ST6GALNAC3: variants seen among roughly 807,000 people sequenced by gnomAD.
ST6GALNAC3 encodes the protein ST6 N-acetylgalactosaminide alpha-2,6-sialyltransferase 3, also known as alpha-N-acetylgalactosaminide alpha-2,6-sialyltransferase 3.
In ST6GALNAC3, 25 loss-of-function variants were observed where a neutral mutation model predicts 32.7. The ratio of observed to expected loss-of-function variants is 0.76; its 90% CI spans 0.56 to 1.07. The LOEUF (loss-of-function observed/expected upper bound fraction) is 1.07, where lower values mean the gene tolerates loss of function less well. ST6GALNAC3 is among the 50% of genes least tolerant of loss of function. The pLI is 0.00. For synonymous variants in ST6GALNAC3, 129 were observed against 133.1 expected, an observed-to-expected ratio of 0.97 and a Z score of 0.21; for missense variants, 355 against 382.4, an observed-to-expected ratio of 0.93 and a Z score of 0.60.
chr1:76,510,300 G>A (rs144581731), intron 3 of ST6GALNAC3, among the ~76,000 whole-genome samples: 29 of 152,160 alleles, frequency 1.9e-4, no homozygotes, highest in African/African-American at 3.6e-4. Context: ...AAAATACTAC[G>A]TGTAAGATAT....
intron 1 of ST6GALNAC3, among the ~76,000 whole-genome samples, chr1:76,270,507 CAAAAAA>C (rs34410935): frequency 4.7e-5 from 3 of 64,116 alleles, no homozygotes; most frequent in East Asian, 5.6e-4. Context: ...AACTCTGTCT[CAAAAAA>C]AAAAAAAAAA....
chr1:76,524,210 C>G lies in ST6GALNAC3; in HGVS notation c.624-103242C>G, dbSNP rs566599210. Among the ~76,000 whole-genome samples, 5 of 152,252 alleles carry G rather than the reference C, an allele frequency of 3.3e-5. No homozygotes were observed. In the South Asian group the frequency reaches 1.0e-3, roughly 32 times the overall value. On this transcript the variant is annotated intron_variant, in intron 3 of 4. Transcript: ENST00000328299. Reference sequence around the variant, plus strand: ...ATTTCTATTAGTTTACTGCTCTGCTCTTAGGATAACCAGTTCCCTAGTCTT... The same window carrying G: ...ATTTCTATTAGTTTACTGCTCTGCTGTTAGGATAACCAGTTCCCTAGTCTT...
intron 3 of ST6GALNAC3, among the ~76,000 whole-genome samples, chr1:76,455,918 G>A (rs1219072245): frequency 6.6e-6 from 1 of 152,136 alleles, no homozygotes; most frequent in African/African-American, 2.4e-5. Context: ...GGATGTGGTG[G>A]TTCACACCTA....
intron 3 of ST6GALNAC3, among the ~76,000 whole-genome samples, chr1:76,570,264 T>A (rs1034843232): frequency 1.3e-5 from 2 of 152,122 alleles, no homozygotes; most frequent in African/African-American, 4.8e-5. Context: ...AATGTATGTA[T>A]GGTAATGGAC....
At chr1:76,397,013 G>A (rs73006124) in intron 2 of ST6GALNAC3, among the ~76,000 whole-genome samples, 2,551 of 152,102 alleles carry the variant, frequency 0.017, 77 homozygotes, top group African/African-American at 0.058. Context: ...AAAATACTGT[G>A]GGCTCAGTAA....
intron 3 of ST6GALNAC3, among the ~76,000 whole-genome samples, chr1:76,517,024 G>A (rs1306248915): frequency 1.3e-5 from 2 of 151,440 alleles, no homozygotes; most frequent in Admixed American, 1.3e-4. Context: ...TTGATATCTG[G>A]TGAGACAGAT....
intron 1 of ST6GALNAC3, among the ~76,000 whole-genome samples, chr1:76,291,977 G>A (rs969427056): frequency 2.0e-5 from 3 of 152,138 alleles, no homozygotes; most frequent in Admixed American, 6.5e-5. Context: ...ATCTCTCTTT[G>A]GCTTGCAGCC....
chr1:76,107,795 A>C (rs890650563), intron 1 of ST6GALNAC3, among the ~76,000 whole-genome samples: 2 of 151,618 alleles, frequency 1.3e-5, no homozygotes, highest in African/African-American at 4.9e-5. Context: ...GCAGATCTAC[A>C]TTCTTTTTTC....
At chr1:76,518,894 G>A (rs1456613940) in intron 3 of ST6GALNAC3, among the ~76,000 whole-genome samples, 2 of 151,996 alleles carry the variant, frequency 1.3e-5, no homozygotes, top group African/African-American at 4.8e-5. Context: ...GTGAAACCCT[G>A]TCTCTACTAA....
At chr1:76,345,293 G>C (rs1648408925) in intron 2 of ST6GALNAC3, among the ~76,000 whole-genome samples, 1 of 152,020 alleles carries the variant, frequency 6.6e-6, no homozygotes, top group African/African-American at 2.4e-5. Flanking sequence ...TTTACTCATA[G>C]AAAGCAGAAC....
rs1468029610 is a variant in ST6GALNAC3 at position 76,629,215 on chromosome 1, ATC to A, written c.*412_*413del. On this transcript the variant is annotated 3_prime_UTR_variant, in exon 5 of 5. Coordinates refer to ENST00000328299, the MANE Select transcript of ST6GALNAC3 (RefSeq NM_152996.4). ...GGTGATTGACTCAATGGCTTGTTGA[ATC>A]TCAGCAGTTCCGCCATCTTGAAGAA... 1.8e-5 allele frequency: 18 copies of A among 1,002,166 alleles called. No individual in the cohort carries two copies. Among genetic ancestry groups the A allele is most frequent in the Non-Finnish European group, 2.1e-5 (18 of 841,966 alleles). 62.1% of individuals were successfully genotyped at this position (1,002,166 alleles called of 1,614,324 possible).
rs1000569994 is a variant in ST6GALNAC3, at chr1:76,313,728, A to G, written c.19-77A>G. On this transcript the variant is annotated intron_variant, in intron 1 of 4. Coordinates refer to ENST00000328299, the MANE Select transcript of ST6GALNAC3 (RefSeq NM_152996.4). ...ACCCCTATGAAAGAAAAAGAGAAGAATAAAGGAACCTCCTTCTGTGACTGC... is the reference window on the plus strand; with the variant it reads ...ACCCCTATGAAAGAAAAAGAGAAGAGTAAAGGAACCTCCTTCTGTGACTGC... 3 of 1,464,142 alleles carry G rather than the reference A, an allele frequency of 2.0e-6. No individual in the cohort carries two copies. The Admixed American group carries it at 5.1e-5, about 25-fold the overall frequency. 90.7% of individuals were successfully genotyped at this position (1,464,142 alleles called of 1,614,324 possible).
At chr1:76,397,309 C>A (rs1162621126) in intron 2 of ST6GALNAC3, among the ~76,000 whole-genome samples, 1 of 151,370 alleles carries the variant, frequency 6.6e-6, no homozygotes, top group Non-Finnish European at 1.5e-5. Flanking sequence ...TCCTGAAAAA[C>A]CACTTGTAGT....
At chr1:76,407,917 A>G (rs984979782) in intron 2 of ST6GALNAC3, among the ~76,000 whole-genome samples, 1 of 152,112 alleles carries the variant, frequency 6.6e-6, no homozygotes, top group African/African-American at 2.4e-5. Flanking sequence ...GAGTTGAAGA[A>G]ATAGCAGTAC....
rs1557803967 is a variant in ST6GALNAC3, at chr1:76,341,677, CTTTCCTTCT to C, written c.213+27681_213+27689del. ...TCTTTCTTTCTTTCTTTCTTTCTTT[CTTTCCTTCT>C]TTCTTTCTTTCTTTCTTTCCTTCTT... On this transcript the variant is annotated intron_variant, in intron 2 of 4. Coordinates refer to ENST00000328299, the MANE Select transcript of ST6GALNAC3 (RefSeq NM_152996.4). 2.6e-4 allele frequency among the ~76,000 whole-genome samples: 36 copies of C among 139,974 alleles called. No individual in the cohort carries two copies. In the East Asian group the frequency reaches 5.0e-3, roughly 20 times the overall value. 91.8% of individuals were successfully genotyped at this position (139,974 alleles called of 152,430 possible). A position where few individuals can be genotyped will look rare whatever the true frequency, so the allele number is the denominator to read the frequency against.
In ST6GALNAC3 at chr1:76,629,669, C is replaced by T. The variant is rs1649190109; in HGVS notation, c.*863C>T. On this transcript the variant is annotated 3_prime_UTR_variant, in exon 5 of 5. Transcript: ENST00000328299. Reference sequence around the variant, plus strand: ...TGTGAAAACATTCCTAAAAAGTAACCAAAGGGTTTGCTAACTCTGCTTCAA... The same window carrying T: ...TGTGAAAACATTCCTAAAAAGTAACTAAAGGGTTTGCTAACTCTGCTTCAA... 4.1e-6 allele frequency: 4 copies of T among 985,256 alleles called. No individual in the cohort carries two copies. The highest frequency in any genetic ancestry group is 3.6e-6 in the Non-Finnish European group (3 of 829,614). The allele number at this position is 985,256 out of a possible 1,614,324, so 61.0% of individuals were successfully genotyped here.
intron 2 of ST6GALNAC3, among the ~76,000 whole-genome samples, chr1:76,386,679 C>T (rs2101133554): frequency 6.6e-6 from 1 of 152,208 alleles, no homozygotes; most frequent in South Asian, 2.1e-4. Flanking sequence ...TAGAGTTAAA[C>T]CTAGACCCCA....
chr1:76,128,859 C>T (rs1446850611), intron 1 of ST6GALNAC3, among the ~76,000 whole-genome samples: 1 of 152,204 alleles, frequency 6.6e-6, no homozygotes, highest in African/African-American at 2.4e-5. Flanking sequence ...AGTGGATACA[C>T]AGGTTTACAG....
chr1:76,488,624 G>T (rs1660290493), intron 3 of ST6GALNAC3, among the ~76,000 whole-genome samples: 1 of 152,120 alleles, frequency 6.6e-6, no homozygotes, highest in Non-Finnish European at 1.5e-5. Context: ...GTGAATTCAA[G>T]ACATTGTAAA....
Sources: allele counts gnomAD v4.1 joint callset (sites outside exome capture counted in the v4.1 genomes callset), GRCh38; gene constraint gnomAD v4.1.1; transcripts MANE v1.5; gene names NCBI Gene and HGNC (gene_info 2026-07-23, HGNC 2026-07-21).